SSX2IP: variants seen among roughly 807,000 people sequenced by gnomAD.
SSX2IP encodes afadin- and alpha-actinin-binding protein.
SSX2IP carries 55 observed loss-of-function variants against 84.9 expected under a neutral mutation model. The observed-to-expected ratio is 0.65, with a 90% confidence interval of 0.52 to 0.81. The LOEUF (loss-of-function observed/expected upper bound fraction) is 0.81, where lower values mean the gene tolerates loss of function less well. Ranked by LOEUF, SSX2IP falls within the 30% of genes least tolerant of loss-of-function variation. The probability of loss-of-function intolerance (pLI) is 0.00; values close to 1 mark genes in which losing one functional copy is unlikely to be tolerated. For synonymous variants in SSX2IP, 239 were observed against 234.7 expected, an observed-to-expected ratio of 1.02 and a Z score of -0.17; for missense variants, 664 against 705.2, an observed-to-expected ratio of 0.94 and a Z score of 0.66.
chr1:84,662,066 T>C (rs1320234884), intron 8 of SSX2IP, 132 bp downstream of exon 8: 38 of 608,312 alleles, frequency 6.2e-5, no homozygotes, highest in Middle Eastern at 4.7e-4. Context: ...GTCACAGTAA[T>C]TGAAAGTAGC....
chr1:84,647,628 G>T, intron 13 of SSX2IP, 21 bp from the exon 14 acceptor site: 1 of 1,503,848 alleles, frequency 6.6e-7, no homozygotes, highest in Non-Finnish European at 8.9e-7. Context: ...AAGAAAGGCA[G>T]ATCTTAGTGA....
chr1:84,648,657 T>C (rs1197825573), intron 13 of SSX2IP, among the ~76,000 whole-genome samples: 1 of 152,232 alleles, frequency 6.6e-6, no homozygotes, highest in Non-Finnish European at 1.5e-5. Flanking sequence ...ATCTCTTAGA[T>C]ATAAAATGCA....
intron 11 of SSX2IP, among the ~76,000 whole-genome samples, chr1:84,652,902 G>T (rs1046687794): frequency 2.4e-4 from 33 of 139,218 alleles, no homozygotes; most frequent in East Asian, 9.0e-4. Flanking sequence ...TGTGGTGGCG[G>T]GTGCCTGTAG....
At chr1:84,664,878 AT>A (rs1283236370) in intron 5 of SSX2IP, among the ~76,000 whole-genome samples, 1 of 152,178 alleles carries the variant, frequency 6.6e-6, no homozygotes, top group Non-Finnish European at 1.5e-5. Flanking sequence ...TCATCTGATC[AT>A]TTTTAGTGAA....
chr1:84,654,593 C>G (rs1650798608), intron 11 of SSX2IP, among the ~76,000 whole-genome samples: 1 of 151,938 alleles, frequency 6.6e-6, no homozygotes, highest in Admixed American at 6.6e-5. Context: ...AGCAACATGG[C>G]AGCTGAAATC....
In SSX2IP at chr1:84,670,839, A is replaced by G. The variant is rs529490077; in HGVS notation, c.44-24T>C. The G allele has an allele frequency of 3.5e-4, 537 of 1,555,080 alleles. 5 individuals carry two copies. In the South Asian group the frequency reaches 6.2e-3, roughly 18 times the overall value. On this transcript the variant is annotated intron_variant, in intron 2 of 13. Transcript: ENST00000342203. The stretch of plus-strand genomic sequence containing the variant: ...TTCTGAAAGAATAAAAGGCATCTAT[A>G]TAAATAATTTAGAAAAACGTATGTA...
At chr1:84,672,418 A>T (rs1653707145) in intron 1 of SSX2IP, among the ~76,000 whole-genome samples, 1 of 152,162 alleles carries the variant, frequency 6.6e-6, no homozygotes, top group African/African-American at 2.4e-5. Context: ...ATTAAAAAAA[A>T]AAAAAACTCT....
rs945620980 is a variant in SSX2IP, at chr1:84,644,815, A to G, written c.*2618T>C. 5.9e-5 allele frequency: 9 copies of G among 152,242 alleles called. No homozygotes were observed. The highest frequency in any genetic ancestry group is 1.4e-4 in the African/African-American group (6 of 41,474). The allele number at this position is 152,242 out of a possible 1,614,324, so 9.4% of individuals were successfully genotyped here. A position where few individuals can be genotyped will look rare whatever the true frequency, so the allele number is the denominator to read the frequency against. On this transcript the variant is annotated 3_prime_UTR_variant, in exon 14 of 14. Coordinates refer to ENST00000342203, the MANE Select transcript of SSX2IP (RefSeq NM_001166293.2). ...GTAGGCAGTATAGAACTCTTTACAAATAACAGTATTTCAATTATGCCATGT... is the reference window on the plus strand; with the variant it reads ...GTAGGCAGTATAGAACTCTTTACAAGTAACAGTATTTCAATTATGCCATGT...
At chr1:84,683,489 C>T (rs1420163073) in intron 1 of SSX2IP, among the ~76,000 whole-genome samples, 2 of 152,246 alleles carry the variant, frequency 1.3e-5, no homozygotes, top group Non-Finnish European at 2.9e-5. Context: ...TCCCTTCTCT[C>T]TGTGCTTCTA....
chr1:84,649,924 A>C (rs770748997), intron 13 of SSX2IP: 1 of 539,224 alleles, frequency 1.9e-6, no homozygotes, highest in Non-Finnish European at 3.6e-6. Context: ...ACTCAACAGG[A>C]ACAGGCTTTT....
chr1:84,661,483 T>C (rs945678607), intron 8 of SSX2IP, among the ~76,000 whole-genome samples: 1 of 152,172 alleles, frequency 6.6e-6, no homozygotes, highest in Non-Finnish European at 1.5e-5. Flanking sequence ...CTGTGATGCC[T>C]TGATTGCCAT....
intron 11 of SSX2IP, chr1:84,652,259 C>T (rs1046489121): frequency 3.0e-6 from 1 of 329,928 alleles, no homozygotes; most frequent in Admixed American, 3.9e-5. Flanking sequence ...CCTGTCTCTA[C>T]ACGAAATACA....
chr1:84,675,126 C>T (rs904363818), intron 1 of SSX2IP, among the ~76,000 whole-genome samples: 1 of 152,138 alleles, frequency 6.6e-6, no homozygotes, highest in Non-Finnish European at 1.5e-5. Context: ...CCATCACAAG[C>T]CCATTTCAAT....
At chr1:84,676,623 G>T (rs1045836854) in intron 1 of SSX2IP, among the ~76,000 whole-genome samples, 2 of 151,288 alleles carry the variant, frequency 1.3e-5, no homozygotes, top group Non-Finnish European at 2.9e-5. Flanking sequence ...ACAGGAACTA[G>T]TGCTCAGAGA....
intron 12 of SSX2IP, 78 bp from the exon 13 acceptor site, chr1:84,650,605 GA>G: frequency 1.4e-6 from 2 of 1,473,314 alleles, no homozygotes; most frequent in Non-Finnish European, 1.9e-6. Context: ...TCATCAGGAT[GA>G]TTCATCTGCG....
chr1:84,667,059 T>C (rs1488736999), intron 4 of SSX2IP, among the ~76,000 whole-genome samples: 4 of 152,066 alleles, frequency 2.6e-5, no homozygotes, highest in African/African-American at 9.7e-5. Flanking sequence ...TTGGCAACCT[T>C]TTTTTTTGAA....
At position 84,662,234 on chromosome 1, in the gene SSX2IP, C is replaced by G. The variant is rs760918128; in HGVS notation, c.891G>C (p.Lys297Asn). The change falls in exon 8 of 14, where the codon AAG becomes AAC. Residue 297 changes from lysine (K) to asparagine (N), a missense_variant. Lys to Asn is a moderately conservative substitution (Grantham distance 94). Transcript: ENST00000342203. ...TATCATCTACTCTTTCTCTAGGTTT[C>G]TTCTTTTGGGGAGAAAGAAGAGAAA... ...EMISLLSPQK[K>N]KPRERVDDST... is the part of the protein sequence containing the mutation. 1 of 1,605,556 alleles carries G rather than the reference C, an allele frequency of 6.2e-7. No individual in the cohort carries two copies. The highest frequency in any genetic ancestry group is 2.2e-5 in the East Asian group (1 of 44,796).
intron 1 of SSX2IP, 33 bp from the exon 2 acceptor site, chr1:84,671,341 A>G: frequency 6.9e-7 from 1 of 1,442,674 alleles, no homozygotes. Flanking sequence ...AATAGCATCT[A>G]ATTTAAAATA....
chr1:84,680,093 T>A (rs1214022080), intron 1 of SSX2IP, among the ~76,000 whole-genome samples: 1 of 152,228 alleles, frequency 6.6e-6, no homozygotes, highest in African/African-American at 2.4e-5. Flanking sequence ...TGTGAACACA[T>A]AAATTATGGT....
Sources: gnomAD v4.1 joint callset for allele counts (sites outside exome capture counted in the v4.1 genomes callset) on GRCh38, gnomAD v4.1.1 for gene constraint, MANE v1.5 for transcripts, NCBI Gene and HGNC (gene_info 2026-07-23, HGNC 2026-07-21) for gene names.